Variants in KAZN observed in about 807,000 individuals in gnomAD.
KAZN encodes the protein kazrin.
In KAZN, 40 loss-of-function variants were observed where a neutral mutation model predicts 87.4. That is an observed-to-expected ratio of 0.46 (90% CI 0.36 to 0.60). KAZN has a LOEUF of 0.60. Ranked by LOEUF, KAZN falls within the 20% of genes least tolerant of loss-of-function variation. The probability of loss-of-function intolerance (pLI) is 0.00; values close to 1 mark genes in which losing one functional copy is unlikely to be tolerated. For missense variants in KAZN, 898 were observed against 1,073.9 expected, an observed-to-expected ratio of 0.84 and a Z score of 2.29; for synonymous variants, 466 against 458.3, an observed-to-expected ratio of 1.02 and a Z score of -0.22.
intron 2 of KAZN, among the ~76,000 whole-genome samples, chr1:14,258,124 C>T (rs987235452): frequency 6.6e-6 from 1 of 151,218 alleles, no homozygotes; most frequent in Admixed American, 6.6e-5. Context: ...CGGTAGATCA[C>T]AATGAACCCT....
intron 1 of KAZN, among the ~76,000 whole-genome samples, chr1:13,977,794 A>T (rs1053888783): frequency 2.6e-5 from 4 of 152,154 alleles, no homozygotes; most frequent in African/African-American, 9.7e-5. Flanking sequence ...CAGAAAAATG[A>T]CCTCAGGATT....
intron 1 of KAZN, among the ~76,000 whole-genome samples, chr1:14,091,903 G>T (rs1034192707): frequency 6.6e-6 from 1 of 152,078 alleles, no homozygotes; most frequent in African/African-American, 2.4e-5. Flanking sequence ...ACCCCATAGG[G>T]TGATTGTGAA....
chr1:14,326,211 G>A (rs986966175), intron 2 of KAZN, among the ~76,000 whole-genome samples: 13 of 151,432 alleles, frequency 8.6e-5, no homozygotes, highest in African/African-American at 2.9e-4. Flanking sequence ...CCGCCCCACC[G>A]CCGAGTTCCC....
chr1:14,439,376 T>C (rs921423355), intron 2 of KAZN, among the ~76,000 whole-genome samples: 1 of 152,186 alleles, frequency 6.6e-6, no homozygotes, highest in Non-Finnish European at 1.5e-5. Context: ...TGATTGTTGC[T>C]TTGAAAACTA....
At chr1:15,020,250 T>C (rs1205271916) in intron 2 of KAZN, among the ~76,000 whole-genome samples, 1 of 152,228 alleles carries the variant, frequency 6.6e-6, no homozygotes, top group Non-Finnish European at 1.5e-5. Context: ...ACCAGTGCTA[T>C]GAGGTGGATG....
rs184783951 is a variant in KAZN at position 14,497,623 on chromosome 1, A to G, written c.250-101360A>G. On this transcript the variant is annotated intron_variant, in intron 2 of 16. Coordinates refer to the KAZN transcript ENST00000636203. ...TTGAAACAGAGTAAAATAATAGGAC[A>G]TTTAATACTGCTTGTCAAAGACTAC... 1.1e-4 allele frequency among the ~76,000 whole-genome samples: 17 copies of G among 152,320 alleles called. No individual in the cohort carries two copies. The South Asian group carries it at 2.9e-3, about 26-fold the overall frequency.
At chr1:14,864,872 C>A (rs1039413905) in intron 1 of KAZN, among the ~76,000 whole-genome samples, 1 of 152,134 alleles carries the variant, frequency 6.6e-6, no homozygotes, top group Non-Finnish European at 1.5e-5. Context: ...CAACACCCAG[C>A]CCACAAGATG....
At chr1:14,800,449 C>T (rs986820131) in intron 1 of KAZN, among the ~76,000 whole-genome samples, 15 of 152,126 alleles carry the variant, frequency 9.9e-5, no homozygotes, top group African/African-American at 3.6e-4. Flanking sequence ...GCCTGTAATC[C>T]CAGCACTTTG....
intron 2 of KAZN, among the ~76,000 whole-genome samples, chr1:14,258,847 T>C (rs1443634211): frequency 3.3e-5 from 5 of 152,150 alleles, no homozygotes; most frequent in Non-Finnish European, 5.9e-5. Flanking sequence ...AATGATTTAA[T>C]AGAAGTAAGA....
chr1:14,827,033 T>TGATGTGC (rs1646911071), intron 1 of KAZN, among the ~76,000 whole-genome samples: 1 of 152,200 alleles, frequency 6.6e-6, no homozygotes, highest in Non-Finnish European at 1.5e-5. Context: ...CGGAATCAGA[T>TGATGTGC]GATGTGCGGG....
chr1:14,117,184 A>G (rs1644642273), intron 1 of KAZN, among the ~76,000 whole-genome samples: 1 of 152,130 alleles, frequency 6.6e-6, no homozygotes, highest in African/African-American at 2.4e-5. Context: ...TGAGGACATG[A>G]GATTTGGGAG....
chr1:13,995,311 T>A (rs1639463574), intron 1 of KAZN, among the ~76,000 whole-genome samples: 1 of 151,564 alleles, frequency 6.6e-6, no homozygotes, highest in South Asian at 2.1e-4. Context: ...TCTAAAATAA[T>A]CTATACACAA....
At chr1:14,661,828 A>G (rs185449309) in intron 1 of KAZN, among the ~76,000 whole-genome samples, 1 of 152,204 alleles carries the variant, frequency 6.6e-6, no homozygotes, top group African/African-American at 2.4e-5. Flanking sequence ...AGGCGTGAGG[A>G]TCACTTGAAT....
chr1:14,416,644 G>A (rs904577611), intron 2 of KAZN, among the ~76,000 whole-genome samples: 2 of 152,138 alleles, frequency 1.3e-5, no homozygotes, highest in African/African-American at 4.8e-5. Flanking sequence ...GCCTAAGGCA[G>A]GAGAATTGCT....
intron 1 of KAZN, among the ~76,000 whole-genome samples, chr1:14,702,716 C>T (rs1438427546): frequency 6.6e-6 from 1 of 152,158 alleles, no homozygotes; most frequent in Admixed American, 6.5e-5. Flanking sequence ...TTGAGAGTCA[C>T]CTGGCGGCAA....
chr1:14,132,148 A>G (rs1645004728), intron 1 of KAZN, among the ~76,000 whole-genome samples: 1 of 152,158 alleles, frequency 6.6e-6, no homozygotes, highest in African/African-American at 2.4e-5. Flanking sequence ...GAAATTGTGT[A>G]GAATGCCCCC....
intron 2 of KAZN, among the ~76,000 whole-genome samples, chr1:14,240,614 C>G (rs891394817): frequency 1.6e-4 from 25 of 152,236 alleles, no homozygotes; most frequent in Non-Finnish European, 3.2e-4. Context: ...ACTGCTGCTT[C>G]TGGGACCTGC....
chr1:14,214,785 G>A (rs568565995), intron 2 of KAZN, among the ~76,000 whole-genome samples: 1 of 152,336 alleles, frequency 6.6e-6, no homozygotes, highest in East Asian at 1.9e-4. Flanking sequence ...AGTGGAGCTG[G>A]GGAGTTGACT....
In KAZN at chr1:14,366,536, G is replaced by C. The variant is rs572517283; in HGVS notation, c.249+185944G>C. On this transcript the variant is annotated intron_variant, in intron 2 of 16. Transcript: ENST00000636203. ...GCCAGCTGCTTCGGCGCCAGCAGGG[G>C]CAGACTCCATTCACTCAAACTTGCT... 3.4e-3 allele frequency among the ~76,000 whole-genome samples: 516 copies of C among 152,372 alleles called. 1 individual carries two copies. The highest frequency in any genetic ancestry group is 0.024 in the Middle Eastern group (7 of 294).
Sources: allele counts gnomAD v4.1 joint callset (sites outside exome capture counted in the v4.1 genomes callset), GRCh38; gene constraint gnomAD v4.1.1; transcripts MANE v1.5; gene names NCBI Gene and HGNC (gene_info 2026-07-23, HGNC 2026-07-21).